The following SIN3B variants were observed in gnomAD, a reference collection of about 807,000 sequenced individuals.
SIN3B encodes the protein paired amphipathic helix protein Sin3b.
Under a neutral mutation model 120.2 loss-of-function variants are expected in SIN3B, and 19 were observed. That is an observed-to-expected ratio of 0.16 (90% CI 0.11 to 0.23). The LOEUF (loss-of-function observed/expected upper bound fraction) is 0.23, where lower values mean the gene tolerates loss of function less well. Among genes scored for constraint, SIN3B ranks in the 10% least tolerant of loss-of-function variants. The pLI is 1.00. For synonymous variants in SIN3B, 654 were observed against 653.2 expected, an observed-to-expected ratio of 1.00 and a Z score of -0.02; for missense variants, 1,073 against 1,573.0, an observed-to-expected ratio of 0.68 and a Z score of 5.38.
At chr19:16,856,574 GA>G (rs1271326197) in intron 8 of SIN3B, among the ~76,000 whole-genome samples, 1 of 151,734 alleles carries the variant, frequency 6.6e-6, no homozygotes, top group Admixed American at 6.6e-5. Flanking sequence ...TACACGTGAA[GA>G]TTTTTTTTTT....
chr19:16,871,138 G>C (rs2051504764), intron 13 of SIN3B, 91 bp from the exon 14 acceptor site: 1 of 1,516,318 alleles, frequency 6.6e-7, no homozygotes, highest in South Asian at 1.1e-5. Context: ...CCCCATGGGG[G>C]CATTTGTTGG....
chr19:16,851,489 G>C lies in SIN3B; in HGVS notation c.804G>C (p.Lys268Asn). 1 of 1,609,522 alleles carries C rather than the reference G, an allele frequency of 6.2e-7. No homozygotes were observed. Among genetic ancestry groups the C allele is most frequent in the Non-Finnish European group, 8.5e-7 (1 of 1,178,226 alleles). ...EHDKTPEHSRKRSRPSLLRPV... is the reference protein window; with the variant it reads ...EHDKTPEHSRNRSRPSLLRPV... ...ACAAGACCCCGGAGCACAGCAGGAA[G>C]CGCTCCCGGCCCTCGCTCCTCCGCC... The change falls in exon 6 of 19, where the codon AAG becomes AAC. Residue 268 changes from lysine (K) to asparagine (N), a missense_variant. Physicochemically the swap from Lys to Asn is moderately conservative, Grantham distance 94. Around this residue, in one of 7 missense-constraint regions of SIN3B, gnomAD observed 395 missense variants for 528.0 expected, o/e 0.75. Transcript: ENST00000248054.
chr19:16,838,799 G>A (rs866824478), intron 3 of SIN3B, among the ~76,000 whole-genome samples: 24 of 151,996 alleles, frequency 1.6e-4, no homozygotes, highest in African/African-American at 4.8e-4. Flanking sequence ...AGCCTTCCAA[G>A]TAGCCGGGAT....
intron 4 of SIN3B, among the ~76,000 whole-genome samples, chr19:16,845,958 C>A (rs952095982): frequency 6.6e-6 from 1 of 151,834 alleles, no homozygotes; most frequent in Non-Finnish European, 1.5e-5. Flanking sequence ...TTTTTTGTAG[C>A]GATAGGGTCT....
At chr19:16,832,791 AC>A (rs1971296832) in intron 3 of SIN3B, among the ~76,000 whole-genome samples, 1 of 152,106 alleles carries the variant, frequency 6.6e-6, no homozygotes, top group African/African-American at 2.4e-5. Flanking sequence ...GGAGTGAGCC[AC>A]TGTGCCTGGC....
chr19:16,856,689 A>T (rs900755488), intron 8 of SIN3B, among the ~76,000 whole-genome samples: 1 of 151,884 alleles, frequency 6.6e-6, no homozygotes, highest in Non-Finnish European at 1.5e-5. Context: ...CTCCTGCCTC[A>T]TCCTCCTGAG....
intron 7 of SIN3B, 97 bp downstream of exon 7, chr19:16,853,255 G>GTAGGGT (rs1971568190): frequency 1.7e-6 from 2 of 1,143,174 alleles, no homozygotes; most frequent in Non-Finnish European, 2.6e-6. Context: ...CGGGGAGCAG[G>GTAGGGT]TAGGGTGGGT....
chr19:16,872,209 AAAT>A (rs1345197413), intron 14 of SIN3B, among the ~76,000 whole-genome samples: 1 of 152,154 alleles, frequency 6.6e-6, no homozygotes, highest in Non-Finnish European at 1.5e-5. Context: ...GCTGGAAAAA[AAAT>A]AATGCCATTA....
intron 7 of SIN3B, among the ~76,000 whole-genome samples, chr19:16,853,842 T>TTGC (rs984041028): frequency 6.6e-6 from 1 of 151,574 alleles, no homozygotes; most frequent in African/African-American, 2.4e-5. Context: ...ACTGTGTGAA[T>TTGC]TGCTGCACAG....
intron 12 of SIN3B, among the ~76,000 whole-genome samples, chr19:16,868,405 G>T (rs1971808150): frequency 6.6e-6 from 1 of 152,232 alleles, no homozygotes; most frequent in Non-Finnish European, 1.5e-5. Context: ...CAAGAGCCCT[G>T]CTGCGTCTGC....
chr19:16,832,689 G>T (rs552411050), intron 3 of SIN3B, among the ~76,000 whole-genome samples: 1 of 151,466 alleles, frequency 6.6e-6, no homozygotes, highest in Non-Finnish European at 1.5e-5. Context: ...TTTTTGTAGC[G>T]ACAGGGTCTC....
chr19:16,863,850 A>G lies in SIN3B; in HGVS notation c.1383+54A>G, dbSNP rs964986081. On this transcript the variant is annotated intron_variant, in intron 10 of 18. Transcript: ENST00000248054. The stretch of plus-strand genomic sequence containing the variant: ...CGGCATGTGCCTGTTCCCCTTCTCC[A>G]TGGGACATGCATCCTGATCCTCCTC... 3.2e-5 allele frequency: 40 copies of G among 1,254,442 alleles called. 1 individual carries two copies. The highest frequency in any genetic ancestry group is 2.2e-4 in the South Asian group (18 of 83,172). 77.7% of individuals were successfully genotyped at this position (1,254,442 alleles called of 1,614,324 possible). A position where few individuals can be genotyped will look rare whatever the true frequency, so the allele number is the denominator to read the frequency against.
rs931317104 is a variant in SIN3B at position 16,847,041 on chromosome 19, C to T, written c.654C>T (p.Ala218=). 1 of 1,614,158 alleles carries T rather than the reference C, an allele frequency of 6.2e-7. No homozygotes were observed. The highest frequency in any genetic ancestry group is 8.5e-7 in the Non-Finnish European group (1 of 1,180,002). Residue 218 remains alanine, a synonymous_variant, in exon 5 of 19, where the codon GCC becomes GCT. Coordinates refer to ENST00000248054, the MANE Select transcript of SIN3B (RefSeq NM_001297595.2). ...MSEEEVFTEV[A]NLFRGQEDLL... The stretch of plus-strand genomic sequence containing the variant: ...AAGAGGAGGTGTTCACCGAGGTGGC[C>T]AACCTCTTCCGGGGCCAGGAGGACC...
chr19:16,854,123 C>T lies in SIN3B; in HGVS notation c.940-20C>T. ...TGAGGAGCAGGGGTTCACAGTGGTC[C>T]CTGACTGCTCTCTCTGCAGGTCCGC... On this transcript the variant is annotated intron_variant, in intron 7 of 18. Coordinates refer to ENST00000248054, the MANE Select transcript of SIN3B (RefSeq NM_001297595.2). 1 of 1,591,900 alleles carries T rather than the reference C, an allele frequency of 6.3e-7. No homozygotes were observed. The highest frequency in any genetic ancestry group is 8.6e-7 in the Non-Finnish European group (1 of 1,163,364).
At chr19:16,835,264 T>C (rs1971333412) in intron 3 of SIN3B, among the ~76,000 whole-genome samples, 1 of 146,534 alleles carries the variant, frequency 6.8e-6, no homozygotes, top group African/African-American at 2.6e-5. Context: ...AGTCTCGCTG[T>C]GTTGCCCAGG....
At chr19:16,846,875 C>A in intron 4 of SIN3B, 95 bp from the exon 5 acceptor site, 1 of 1,348,308 alleles carries the variant, frequency 7.4e-7, no homozygotes, top group Non-Finnish European at 1.0e-6. Context: ...TGAGAGTCAT[C>A]CTGTCCCCTT....
chr19:16,837,713 A>G (rs1047553089), intron 3 of SIN3B, among the ~76,000 whole-genome samples: 3 of 152,146 alleles, frequency 2.0e-5, no homozygotes, highest in African/African-American at 4.8e-5. Context: ...ACTGGTGACA[A>G]GGACCAGAGG....
chr19:16,872,342 GC>G, intron 14 of SIN3B: 1 of 151,996 alleles, frequency 6.6e-6, no homozygotes. Flanking sequence ...TTTGAAGGGG[GC>G]AGATGGATGG....
At chr19:16,854,054 G>A (rs1375651953) in intron 7 of SIN3B, 89 bp from the exon 8 acceptor site, 7 of 869,878 alleles carry the variant, frequency 8.0e-6, no homozygotes, top group East Asian at 2.5e-5. Context: ...TTCCCATATC[G>A]CACACCCATG....
Sources: allele counts gnomAD v4.1 joint callset (sites outside exome capture counted in the v4.1 genomes callset), GRCh38; gene constraint gnomAD v4.1.1; regional missense constraint gnomAD v4.1.1; transcripts MANE v1.5; gene names NCBI Gene and HGNC (gene_info 2026-07-23, HGNC 2026-07-21).